HELQ: variants seen among roughly 807,000 people sequenced by gnomAD.
The protein encoded by HELQ is helicase POLQ-like.
HELQ carries 77 observed loss-of-function variants against 111.6 expected under a neutral mutation model. The observed-to-expected ratio is 0.69, with a 90% CI of 0.57 to 0.83. The LOEUF is 0.83. HELQ is among the 40% of genes least tolerant of loss of function. The pLI, the probability that HELQ is intolerant of heterozygous loss-of-function variation, is 0.00. For missense variants in HELQ, 1,200 were observed against 1,288.5 expected, an observed-to-expected ratio of 0.93 and a Z score of 1.05; for synonymous variants, 438 against 454.7, an observed-to-expected ratio of 0.96 and a Z score of 0.47.
At chr4:83,441,992 T>C (rs947567704) in intron 6 of HELQ, among the ~76,000 whole-genome samples, 1 of 152,044 alleles carries the variant, frequency 6.6e-6, no homozygotes, top group South Asian at 2.1e-4. Context: ...CTTGAACTCC[T>C]GGGCTCAAGC....
intron 9 of HELQ, among the ~76,000 whole-genome samples, chr4:83,434,165 G>A: frequency 6.6e-6 from 1 of 151,988 alleles, no homozygotes; most frequent in Admixed American, 6.6e-5. Flanking sequence ...GAGGTCAGGA[G>A]TTTGAGACCA....
chr4:83,447,434 T>A (rs529748662), intron 3 of HELQ, among the ~76,000 whole-genome samples: 18 of 152,236 alleles, frequency 1.2e-4, no homozygotes, highest in Admixed American at 3.9e-4. Context: ...TAAAGTAGTG[T>A]TTAATACCCA....
chr4:83,452,258 T>C (rs899989197), intron 2 of HELQ, among the ~76,000 whole-genome samples: 9 of 151,906 alleles, frequency 5.9e-5, no homozygotes, highest in African/African-American at 2.4e-5. Context: ...TTTTTTGCAA[T>C]TTTTTTTCTT....
intron 7 of HELQ, 27 bp from the exon 8 acceptor site, chr4:83,440,035 A>G (rs747481302): frequency 1.3e-6 from 2 of 1,588,640 alleles, no homozygotes; most frequent in East Asian, 4.5e-5. Flanking sequence ...TGTAGGAACA[A>G]AGTGGTTAGT....
intron 7 of HELQ, 80 bp from the exon 8 acceptor site, chr4:83,440,088 G>A: frequency 2.8e-6 from 3 of 1,059,080 alleles, no homozygotes; most frequent in African/African-American, 1.6e-5. Flanking sequence ...TGATTTGAAA[G>A]GTAAATAAAC....
intron 5 of HELQ, among the ~76,000 whole-genome samples, chr4:83,444,409 C>T (rs1347941133): frequency 2.0e-5 from 3 of 152,096 alleles, no homozygotes; most frequent in Admixed American, 2.0e-4. Context: ...GAGACAGAGT[C>T]TTGCTCTGTT....
At chr4:83,436,335 T>C (rs1720459119) in intron 9 of HELQ, among the ~76,000 whole-genome samples, 1 of 152,184 alleles carries the variant, frequency 6.6e-6, no homozygotes, top group African/African-American at 2.4e-5. Context: ...ATGGAAAGTT[T>C]ATAAAAATTG....
In HELQ at chr4:83,453,627, A is replaced by T; in HGVS notation, c.616T>A (p.Leu206Met). The T allele has an allele frequency of 6.2e-7, 1 of 1,613,248 alleles. No homozygotes were observed. The highest frequency in any genetic ancestry group is 8.5e-7 in the Non-Finnish European group (1 of 1,179,238). Residue 206 changes from leucine (L) to methionine (M), a missense_variant, in exon 2 of 18, where the codon TTG becomes ATG. Physicochemically the swap from Leu to Met is conservative, Grantham distance 15 (BLOSUM62 2). Around this residue, in one of 3 missense-constraint regions of HELQ, gnomAD observed 610 missense variants for 607.1 expected, o/e 1.00. Coordinates refer to ENST00000295488, the MANE Select transcript of HELQ (RefSeq NM_133636.5). ...PSSQAIYFEN[L>M]QNSSNDLGDH... The stretch of plus-strand genomic sequence containing the variant: ...CCCAAATCATTTGAAGAGTTCTGCA[A>T]ATTTTCAAAGTATATAGCCTGTGAG...
In HELQ at chr4:83,421,091, G is replaced by A. The variant is rs948524258; in HGVS notation, c.2949+472C>T. On this transcript the variant is annotated intron_variant, in intron 15 of 17. Coordinates refer to ENST00000295488, the MANE Select transcript of HELQ (RefSeq NM_133636.5). Reference sequence around the variant, plus strand: ...CTCCCAAAGTGCTAGGATTACAGGCGGGAGCCATGGCATCCAGTCAAAATT... The same window carrying A: ...CTCCCAAAGTGCTAGGATTACAGGCAGGAGCCATGGCATCCAGTCAAAATT... Among the ~76,000 whole-genome samples the A allele has an allele frequency of 6.6e-5, 10 of 152,258 alleles. No individual in the cohort carries two copies. In the East Asian group the frequency reaches 1.2e-3, roughly 18 times the overall value.
intron 9 of HELQ, among the ~76,000 whole-genome samples, chr4:83,435,617 G>A (rs925690413): frequency 6.6e-6 from 1 of 151,786 alleles, no homozygotes; most frequent in African/African-American, 2.4e-5. Flanking sequence ...GGATATAAGA[G>A]GCAGTGGTAA....
Position 83,453,372 on chromosome 4 carries a change from T to C in HELQ, c.871A>G (p.Lys291Glu), listed in dbSNP as rs1241070308. 3 of 1,609,598 alleles carry C rather than the reference T, an allele frequency of 1.9e-6. No individual in the cohort carries two copies. The highest frequency in any genetic ancestry group is 1.3e-5 in the African/African-American group (1 of 74,582). The change falls in exon 2 of 18, where the codon AAA becomes GAA. Residue 291 changes from lysine (K) to glutamate (E), a missense_variant. Physicochemically the swap from Lys to Glu is moderately conservative, Grantham distance 56. Coordinates refer to ENST00000295488, the MANE Select transcript of HELQ (RefSeq NM_133636.5). ...TPIFSRSKQL[K>E]DTLLSEEINV... ...ATTTCCTCAGATAGGAGAGTGTCTTTGAGCTGTTTACTTCTAGAAAATATT... is the reference window on the plus strand; with the variant it reads ...ATTTCCTCAGATAGGAGAGTGTCTTCGAGCTGTTTACTTCTAGAAAATATT...
Position 83,455,743 on chromosome 4 carries a change from C to T in HELQ, c.-50G>A, listed in dbSNP as rs35468442. ...GACGTCGTTCTCAGTGACCCAGACG[C>T]TAAGCCCATATGGAAGGGAGAGTGG... On this transcript the variant is annotated 5_prime_UTR_variant, in exon 1 of 18. Coordinates refer to ENST00000295488, the MANE Select transcript of HELQ (RefSeq NM_133636.5). 2 of 1,549,312 alleles carry T rather than the reference C, an allele frequency of 1.3e-6. No individual in the cohort carries two copies. The highest frequency in any genetic ancestry group is 4.5e-5 in the East Asian group (2 of 44,448).
intron 4 of HELQ, 41 bp from the exon 5 acceptor site, chr4:83,446,127 C>T (rs1721033606): frequency 1.5e-6 from 2 of 1,372,676 alleles, no homozygotes; most frequent in South Asian, 2.3e-5. Context: ...AGTAAATCTT[C>T]ATATAGTGCT....
At chr4:83,452,553 T>A (rs1381657594) in intron 2 of HELQ, among the ~76,000 whole-genome samples, 2 of 152,150 alleles carry the variant, frequency 1.3e-5, no homozygotes, top group African/African-American at 4.8e-5. Context: ...TCAAGACATG[T>A]GAGTGTCAAA....
chr4:83,444,061 A>G (rs1282485009), intron 5 of HELQ, among the ~76,000 whole-genome samples: 2 of 152,134 alleles, frequency 1.3e-5, no homozygotes, highest in Non-Finnish European at 2.9e-5. Context: ...AGAAAACTAC[A>G]AATATATTAC....
At chr4:83,448,584 C>A (rs535817391) in intron 3 of HELQ, among the ~76,000 whole-genome samples, 199 bp downstream of exon 3, 1 of 151,196 alleles carries the variant, frequency 6.6e-6, no homozygotes, top group Non-Finnish European at 1.5e-5. Context: ...GCAGGAGAAT[C>A]GCTTGAACCT....
chr4:83,436,093 A>G (rs988524476), intron 9 of HELQ, among the ~76,000 whole-genome samples: 6 of 152,176 alleles, frequency 3.9e-5, no homozygotes, highest in African/African-American at 2.4e-5. Context: ...ACCTTTGTAT[A>G]TCTAAATAGT....
At position 83,443,574 on chromosome 4, in the gene HELQ, A is replaced by T; in HGVS notation, c.1506T>A (p.Asn502Lys). 1 of 1,593,136 alleles carries T rather than the reference A, an allele frequency of 6.3e-7. No homozygotes were observed. The highest frequency in any genetic ancestry group is 8.6e-7 in the Non-Finnish European group (1 of 1,163,654). ...QIIGMSATLN[N>K]VEDLQKFLQA... ...GAAGAAACTTTTGTAGGTCTTCAAC[A>T]TTGTTTAATGTTGCACTCATACCAA... Residue 502 changes from asparagine to lysine, a missense_variant, in exon 6 of 18, where the codon AAT becomes AAA. Transcript: ENST00000295488.
chr4:83,455,790 A>C lies in HELQ; in HGVS notation c.-97T>G, dbSNP rs994074512. 2.6e-5 allele frequency: 33 copies of C among 1,247,642 alleles called. No individual in the cohort carries two copies. The highest frequency in any genetic ancestry group is 6.0e-5 in the African/African-American group (4 of 67,200). The allele number at this position is 1,247,642 out of a possible 1,614,324, so 77.3% of individuals were successfully genotyped here. A position where few individuals can be genotyped will look rare whatever the true frequency, so the allele number is the denominator to read the frequency against. On this transcript the variant is annotated 5_prime_UTR_variant, in exon 1 of 18. It removes an upstream start codon present in the reference 5' UTR. Transcript: ENST00000295488. Reference sequence around the variant, plus strand: ...GTGGGACGCCGGAGCCCGCTTCTACATCCACCTTGGGAAAAGACCCCAAGT... The same window carrying C: ...GTGGGACGCCGGAGCCCGCTTCTACCTCCACCTTGGGAAAAGACCCCAAGT...
Sources: gnomAD v4.1 joint callset for allele counts (sites outside exome capture counted in the v4.1 genomes callset) on GRCh38, gnomAD v4.1.1 for gene constraint, gnomAD v4.1.1 regional missense constraint, MANE v1.5 for transcripts, NCBI Gene and HGNC (gene_info 2026-07-23, HGNC 2026-07-21) for gene names.